Variants in PTPRE observed in about 807,000 individuals in gnomAD.
PTPRE encodes receptor-type tyrosine-protein phosphatase epsilon.
PTPRE carries 51 observed loss-of-function variants against 102.0 expected under a neutral mutation model. The ratio of observed to expected loss-of-function variants is 0.50; its 90% CI spans 0.40 to 0.63. The LOEUF is 0.63. Ranked by LOEUF, PTPRE falls within the 30% of genes least tolerant of loss-of-function variation. PTPRE has a pLI of 0.00. For missense variants in PTPRE, 752 were observed against 915.1 expected, an observed-to-expected ratio of 0.82 and a Z score of 2.30; for synonymous variants, 345 against 348.2, an observed-to-expected ratio of 0.99 and a Z score of 0.10.
rs755357957 is a variant in PTPRE, at chr10:128,060,934, T to C, written c.512-5T>C. ...ATCTTGGCTTTGTTTGGGTTTTTTT[T>C]CCAGATGACCATTCTAGGGTGATTC... On this transcript the variant is annotated splice_polypyrimidine_tract_variant and splice_region_variant and intron_variant, in intron 7 of 20. Transcript: ENST00000254667. 1.1e-5 allele frequency: 17 copies of C among 1,614,038 alleles called. No individual in the cohort carries two copies. The South Asian group carries it at 1.4e-4, about 14-fold the overall frequency.
At chr10:128,035,344 A>G (rs1337760917) in intron 2 of PTPRE, among the ~76,000 whole-genome samples, 1 of 152,240 alleles carries the variant, frequency 6.6e-6, no homozygotes, top group Non-Finnish European at 1.5e-5. Context: ...ATTTTTAAAA[A>G]TATTTTGTGA....
At chr10:127,984,482 G>A (rs938240564) in intron 2 of PTPRE, among the ~76,000 whole-genome samples, 1 of 152,166 alleles carries the variant, frequency 6.6e-6, no homozygotes, top group Non-Finnish European at 1.5e-5. Context: ...CTTGACACGA[G>A]GAAAGGGTAT....
At chr10:127,920,440 C>T (rs571497587) in intron 1 of PTPRE, among the ~76,000 whole-genome samples, 14 of 152,296 alleles carry the variant, frequency 9.2e-5, no homozygotes, top group African/African-American at 3.1e-4. Context: ...TGGCCAAGCA[C>T]CCTGCCCTGC....
intron 1 of PTPRE, among the ~76,000 whole-genome samples, chr10:127,966,477 C>T (rs1024938169): frequency 1.3e-5 from 2 of 152,136 alleles, no homozygotes; most frequent in African/African-American, 4.8e-5. Context: ...TGATATGTGG[C>T]AGACACCATG....
Position 127,982,280 on chromosome 10 carries a change from G to A in PTPRE, c.-24G>A. 1 of 1,269,606 alleles carries A rather than the reference G, an allele frequency of 7.9e-7. No homozygotes were observed. Among genetic ancestry groups the A allele is most frequent in the Non-Finnish European group, 1.0e-6 (1 of 975,056 alleles). The allele number at this position is 1,269,606 out of a possible 1,614,324, so 78.6% of individuals were successfully genotyped here. Reference sequence around the variant, plus strand: ...TTTCTTCTTTCTTCTTCAGACTATAGCCTTCACTTTCCCTCGGTGAGTACA... The same window carrying A: ...TTTCTTCTTTCTTCTTCAGACTATAACCTTCACTTTCCCTCGGTGAGTACA... On this transcript the variant is annotated 5_prime_UTR_variant, in exon 2 of 21. An upstream open reading frame in the 5' UTR loses its in-frame stop. Coordinates refer to ENST00000254667, the MANE Select transcript of PTPRE (RefSeq NM_006504.6).
At chr10:128,034,495 G>A (rs916624831) in intron 2 of PTPRE, among the ~76,000 whole-genome samples, 13 of 152,008 alleles carry the variant, frequency 8.6e-5, no homozygotes, top group Admixed American at 2.0e-4. Context: ...TTTGAGACTA[G>A]CCTGGGCAAC....
At chr10:127,957,387 T>A (rs1042242581) in intron 1 of PTPRE, among the ~76,000 whole-genome samples, 3 of 152,226 alleles carry the variant, frequency 2.0e-5, no homozygotes, top group Non-Finnish European at 4.4e-5. Flanking sequence ...TTGACCATAT[T>A]TATGTGGGTC....
chr10:127,911,781 C>T (rs1335327902), intron 1 of PTPRE, among the ~76,000 whole-genome samples: 2 of 152,108 alleles, frequency 1.3e-5, no homozygotes, highest in Non-Finnish European at 2.9e-5. Flanking sequence ...AGGAGAGGCC[C>T]GTGGGTACAT....
chr10:128,069,896 T>C, intron 13 of PTPRE, 69 bp downstream of exon 13: 1 of 1,608,436 alleles, frequency 6.2e-7, no homozygotes, highest in Non-Finnish European at 8.5e-7. Flanking sequence ...GCCACACAGG[T>C]GTGCAGGGCC....
chr10:127,926,804 C>CTT (rs150223324), intron 1 of PTPRE, among the ~76,000 whole-genome samples: 147 of 82,648 alleles, frequency 1.8e-3, no homozygotes, highest in Middle Eastern at 9.4e-3. Flanking sequence ...AGAGAGTTGT[C>CTT]TTTTTTTTTT....
At chr10:128,067,269 T>TG (rs1850289106) in intron 11 of PTPRE, among the ~76,000 whole-genome samples, 1 of 142,732 alleles carries the variant, frequency 7.0e-6, no homozygotes, top group Non-Finnish European at 1.5e-5. Flanking sequence ...TGCATACATG[T>TG]GCACACACAC....
intron 12 of PTPRE, chr10:128,069,378 C>T (rs1850557995): frequency 3.7e-6 from 1 of 270,986 alleles, no homozygotes; most frequent in African/African-American, 2.3e-5. Context: ...ATCTAGGATG[C>T]CAATCACACA....
Position 128,073,438 on chromosome 10 carries a change from C to T in PTPRE, c.1566C>T (p.Ile522=), listed in dbSNP as rs1477880057. The T allele has an allele frequency of 3.7e-6, 6 of 1,614,074 alleles. No homozygotes were observed. The highest frequency in any genetic ancestry group is 2.2e-5 in the East Asian group (1 of 44,896). The change falls in exon 17 of 21, where the codon ATC becomes ATT. Residue 522 remains isoleucine (I), a synonymous_variant. Coordinates refer to ENST00000254667, the MANE Select transcript of PTPRE (RefSeq NM_006504.6). ...TCTGGGAATGGAAATCCCACACTATCGTGATGCTGACGGAGGTGCAGGAGA... is the reference window on the plus strand; with the variant it reads ...TCTGGGAATGGAAATCCCACACTATTGTGATGCTGACGGAGGTGCAGGAGA... The part of the protein sequence containing the change: ...RMIWEWKSHT[I]VMLTEVQERE...
intron 9 of PTPRE, among the ~76,000 whole-genome samples, chr10:128,061,930 G>A (rs747396000): frequency 2.5e-4 from 38 of 152,288 alleles, no homozygotes; most frequent in Middle Eastern, 3.4e-3. Flanking sequence ...CACAGGGCAC[G>A]CAATGGCCCC....
chr10:128,059,752 A>G (rs968000483), intron 7 of PTPRE, among the ~76,000 whole-genome samples: 7 of 152,268 alleles, frequency 4.6e-5, no homozygotes, highest in Admixed American at 2.0e-4. Flanking sequence ...AAATGTCTTC[A>G]TTTCTCTTCA....
intron 1 of PTPRE, among the ~76,000 whole-genome samples, chr10:127,969,170 C>T (rs566809156): frequency 1.1e-4 from 16 of 152,356 alleles, no homozygotes; most frequent in African/African-American, 3.8e-4. Flanking sequence ...CGCCATGGAG[C>T]TGGAATTGCA....
At chr10:128,018,347 G>A (rs76404162) in intron 2 of PTPRE, among the ~76,000 whole-genome samples, 1 of 152,206 alleles carries the variant, frequency 6.6e-6, no homozygotes, top group Non-Finnish European at 1.5e-5. Context: ...CAGACCCCCA[G>A]GGGCTGGATG....
chr10:127,919,936 T>C (rs1846475345), intron 1 of PTPRE, among the ~76,000 whole-genome samples: 1 of 152,150 alleles, frequency 6.6e-6, no homozygotes, highest in Non-Finnish European at 1.5e-5. Flanking sequence ...TTTTTTCCTT[T>C]TCAGTGTAGT....
intron 2 of PTPRE, among the ~76,000 whole-genome samples, chr10:128,003,420 G>T (rs1323831285): frequency 6.6e-6 from 1 of 152,058 alleles, no homozygotes; most frequent in Admixed American, 6.5e-5. Flanking sequence ...TATTAGCACT[G>T]TTGATTCTTT....
Sources: allele counts gnomAD v4.1 joint callset (sites outside exome capture counted in the v4.1 genomes callset), GRCh38; gene constraint gnomAD v4.1.1; transcripts MANE v1.5; gene names NCBI Gene and HGNC (gene_info 2026-07-23, HGNC 2026-07-21).